The following WDFY1 variants were observed in gnomAD, a reference collection of about 807,000 sequenced individuals.
WDFY1 encodes the protein WD repeat and FYVE domain containing 1.
A neutral mutation model predicts 56.4 loss-of-function variants in WDFY1; 32 were observed. That is an observed-to-expected ratio of 0.57 (90% CI 0.43 to 0.76). The LOEUF (loss-of-function observed/expected upper bound fraction) is 0.76. Among genes scored for constraint, WDFY1 ranks in the 30% least tolerant of loss-of-function variants. The pLI, the probability that WDFY1 is intolerant of heterozygous loss-of-function variation, is 0.00. For missense variants in WDFY1, 480 were observed against 545.7 expected (o/e 0.88, Z 1.20); for synonymous variants, 192 against 197.3 (o/e 0.97, Z 0.23).
intron 3 of WDFY1, among the ~76,000 whole-genome samples, chr2:223,908,559 A>G (rs905744077): frequency 6.6e-6 from 1 of 151,930 alleles, no homozygotes; most frequent in Non-Finnish European, 1.5e-5. Flanking sequence ...TCTCTCCTTT[A>G]GGCTCCCAGT....
chr2:223,934,214 G>A (rs150935727), intron 1 of WDFY1, among the ~76,000 whole-genome samples: 2,289 of 150,986 alleles, frequency 0.015, 62 homozygotes, highest in African/African-American at 0.05. Flanking sequence ...TTAGCCTACC[G>A]AGTAGCTGGG....
chr2:223,917,928 A>G lies in WDFY1; in HGVS notation c.205+15T>C. The G allele has an allele frequency of 3.1e-6, 5 of 1,613,216 alleles. No individual in the cohort carries two copies. Among genetic ancestry groups the G allele is most frequent in the African/African-American group, 2.7e-5 (2 of 74,992 alleles). On this transcript the variant is annotated intron_variant, in intron 2 of 11. Coordinates refer to ENST00000233055, the MANE Select transcript of WDFY1 (RefSeq NM_020830.5). Reference sequence around the variant, plus strand: ...TAGAGACATTTCTCTCAAATGGAACAGTTCAGCTACTTACAGGCCATTGTG... The same window carrying G: ...TAGAGACATTTCTCTCAAATGGAACGGTTCAGCTACTTACAGGCCATTGTG...
intron 1 of WDFY1, among the ~76,000 whole-genome samples, chr2:223,926,619 GTGTGTGTATTTCATATATATACA>G (rs1392802037): frequency 1.3e-5 from 2 of 151,176 alleles, no homozygotes; most frequent in Admixed American, 6.6e-5. Flanking sequence ...ACATATATAT[GTGTGTGTATTTCATATATATACA>G]AATATGTGCG....
chr2:223,879,794 A>G (rs1192544673), intron 11 of WDFY1, among the ~76,000 whole-genome samples: 1 of 152,222 alleles, frequency 6.6e-6, no homozygotes, highest in Non-Finnish European at 1.5e-5. Flanking sequence ...GAAAAGGAAC[A>G]TTGGCAAGCG....
chr2:223,901,510 C>G (rs956120252), intron 4 of WDFY1, among the ~76,000 whole-genome samples, 177 bp from the exon 5 acceptor site: 2 of 152,216 alleles, frequency 1.3e-5, no homozygotes, highest in Non-Finnish European at 2.9e-5. Context: ...CAACAACTCA[C>G]TAGCACAGGC....
At chr2:223,941,038 T>C (rs1689295728) in intron 1 of WDFY1, among the ~76,000 whole-genome samples, 1 of 152,150 alleles carries the variant, frequency 6.6e-6, no homozygotes, top group Non-Finnish European at 1.5e-5. Flanking sequence ...GTCAGGCTGG[T>C]CTCAAACTCC....
chr2:223,903,323 A>T (rs1007259080), intron 4 of WDFY1, among the ~76,000 whole-genome samples: 1 of 151,998 alleles, frequency 6.6e-6, no homozygotes, highest in Admixed American at 6.6e-5. Context: ...AGAGTTCAAG[A>T]CCAGCCTGGC....
Position 223,878,555 on chromosome 2 carries a change from G to C in WDFY1, c.*116C>G. ...TTTACATTTTCTTTTTAAAAATGTT[G>C]ATTTGTTTGTAAGTGGCTACTGTCC... On this transcript the variant is annotated 3_prime_UTR_variant, in exon 12 of 12. Coordinates refer to ENST00000233055, the MANE Select transcript of WDFY1 (RefSeq NM_020830.5). The C allele has an allele frequency of 1.3e-6, 1 of 755,142 alleles. No homozygotes were observed. The highest frequency in any genetic ancestry group is 1.8e-5 in the African/African-American group (1 of 56,566). The allele number at this position is 755,142 out of a possible 1,614,324, so 46.8% of individuals were successfully genotyped here. A position where few individuals can be genotyped will look rare whatever the true frequency, so the allele number is the denominator to read the frequency against.
chr2:223,892,400 A>G (rs1324417184), intron 8 of WDFY1, among the ~76,000 whole-genome samples: 4 of 152,250 alleles, frequency 2.6e-5, no homozygotes, highest in Admixed American at 6.5e-5. Context: ...AATTTCCTCT[A>G]TCTGACTTGT....
chr2:223,876,439 G>C lies in WDFY1; in HGVS notation c.*2232C>G, dbSNP rs1400400576. On this transcript the variant is annotated 3_prime_UTR_variant, in exon 12 of 12. Transcript: ENST00000233055. ...ACCCCATTTGCTACCTAGCATATGA[G>C]AGAGACAAGACTAGCCTGTCACGTT... 2 of 152,560 alleles carry C rather than the reference G, an allele frequency of 1.3e-5. No homozygotes were observed. The highest frequency in any genetic ancestry group is 2.4e-5 in the African/African-American group (1 of 41,442). The allele number at this position is 152,560 out of a possible 1,614,324, so 9.5% of individuals were successfully genotyped here.
chr2:223,930,574 G>A (rs968410551), intron 1 of WDFY1, among the ~76,000 whole-genome samples: 6 of 152,154 alleles, frequency 3.9e-5, no homozygotes, highest in Non-Finnish European at 8.8e-5. Flanking sequence ...CACGTGATCC[G>A]CCCTCCTTGG....
chr2:223,911,566 CCACACACACACACACACACACACACA>C lies in WDFY1; in HGVS notation c.279+661_279+686del, dbSNP rs58131865. Reference sequence around the variant, plus strand: ...GTTCTGTGAGTTGCTAGCTGAATGACCACACACACACACACACACACACACACACACACACACACACACACACACAG... The same window carrying C: ...GTTCTGTGAGTTGCTAGCTGAATGACCACACACACACACACACACACACAG... On this transcript the variant is annotated intron_variant, in intron 3 of 11. Coordinates refer to ENST00000233055, the MANE Select transcript of WDFY1 (RefSeq NM_020830.5). 8.1e-5 allele frequency among the ~76,000 whole-genome samples: 11 copies of C among 136,140 alleles called. 1 individual carries two copies. The South Asian group carries it at 1.3e-3, about 16-fold the overall frequency. The allele number at this position is 136,140 out of a possible 152,430, so 89.3% of individuals were successfully genotyped here. A position where few individuals can be genotyped will look rare whatever the true frequency, so the allele number is the denominator to read the frequency against.
rs572548075 is a variant in WDFY1, at chr2:223,882,117, C to CTTTTTGT, written c.934-52_934-46dup. The CTTTTTGT allele has an allele frequency of 3.2e-4, 503 of 1,588,884 alleles. 2 individuals carry two copies. The African/African-American group carries it at 5.0e-3, about 16-fold the overall frequency. The stretch of plus-strand genomic sequence containing the variant: ...GAGGAAAACAGGGTGTTAGCTTTCG[C>CTTTTTGT]TTTTTGTTTTGTTTTGAGACAGAGT... On this transcript the variant is annotated intron_variant, in intron 9 of 11. Transcript: ENST00000233055.
At chr2:223,928,192 C>A (rs1460440973) in intron 1 of WDFY1, among the ~76,000 whole-genome samples, 1 of 152,082 alleles carries the variant, frequency 6.6e-6, no homozygotes, top group Non-Finnish European at 1.5e-5. Context: ...ACAAAGTGAG[C>A]ACAATGTATT....
chr2:223,939,662 G>A (rs1016422187), intron 1 of WDFY1, among the ~76,000 whole-genome samples: 1 of 152,132 alleles, frequency 6.6e-6, no homozygotes, highest in Non-Finnish European at 1.5e-5. Context: ...GATCTCCTGA[G>A]ACTTACTCAC....
Position 223,895,562 on chromosome 2 carries a change from T to A in WDFY1, c.667A>T (p.Ile223Phe). 2 of 1,614,008 alleles carry A rather than the reference T, an allele frequency of 1.2e-6. No individual in the cohort carries two copies. The highest frequency in any genetic ancestry group is 1.7e-6 in the Non-Finnish European group (2 of 1,179,972). The change falls in exon 7 of 12, where the codon ATC (isoleucine) becomes TTC (phenylalanine). Residue 223 changes from isoleucine (I) to phenylalanine (F), a missense_variant. Physicochemically the swap from Ile to Phe is conservative, Grantham distance 21. Coordinates refer to ENST00000233055, the MANE Select transcript of WDFY1 (RefSeq NM_020830.5). ...LLFSGASDNS[I>F]IMWDIGGRKG... is the part of the protein sequence containing the mutation. ...CTTCCTCCGATGTCCCACATGATGA[T>A]GCTGTTGTCAGATGCTCCTGAGAAG...
chr2:223,898,924 G>C, intron 6 of WDFY1, 34 bp downstream of exon 6: 1 of 1,568,400 alleles, frequency 6.4e-7, no homozygotes, highest in Non-Finnish European at 8.8e-7. Context: ...TCCAAGTTAG[G>C]CAAAAAAAAC....
intron 2 of WDFY1, among the ~76,000 whole-genome samples, chr2:223,917,286 T>A (rs1693804453): frequency 6.6e-6 from 1 of 152,210 alleles, no homozygotes; most frequent in Non-Finnish European, 1.5e-5. Flanking sequence ...CATGACGCTA[T>A]GGAGGGCACA....
At chr2:223,881,863 T>G in intron 10 of WDFY1, 79 bp downstream of exon 10, 1 of 1,554,946 alleles carries the variant, frequency 6.4e-7, no homozygotes, top group South Asian at 1.2e-5. Context: ...TCCTATCACT[T>G]CTGAAGCTCT....
Sources: allele counts gnomAD v4.1 joint callset (sites outside exome capture counted in the v4.1 genomes callset), GRCh38; gene constraint gnomAD v4.1.1; transcripts MANE v1.5; gene names NCBI Gene and HGNC (gene_info 2026-07-23, HGNC 2026-07-21).